Variants in MAD1L1 observed in about 807,000 individuals in gnomAD.
MAD1L1 encodes the protein mitotic arrest deficient 1 like 1, also known as mitotic spindle assembly checkpoint protein MAD1.
In MAD1L1, 95 loss-of-function variants were observed where a neutral mutation model predicts 96.9. That is an observed-to-expected ratio of 0.98 (90% confidence interval 0.83 to 1.16). The LOEUF is 1.16. Among genes scored for constraint, MAD1L1 ranks in the 50% most tolerant of loss-of-function variants. The probability of loss-of-function intolerance (pLI) is 0.00; values close to 1 mark genes in which losing one functional copy is unlikely to be tolerated. For synonymous variants in MAD1L1, 473 were observed against 396.6 expected, an observed-to-expected ratio of 1.19 and a Z score of -2.29; for missense variants, 1,007 against 954.4, an observed-to-expected ratio of 1.06 and a Z score of -0.73.
intron 11 of MAD1L1, among the ~76,000 whole-genome samples, chr7:2,082,580 G>A (rs1417634752): frequency 3.3e-5 from 5 of 152,246 alleles, no homozygotes; most frequent in African/African-American, 1.2e-4. Flanking sequence ...GAGGCAGCAG[G>A]CCAAGTGGAA....
intron 17 of MAD1L1, among the ~76,000 whole-genome samples, chr7:1,899,935 G>A (rs769343373): frequency 1.4e-4 from 22 of 152,238 alleles, no homozygotes; most frequent in Non-Finnish European, 2.2e-4. Flanking sequence ...GTTTCAGCTC[G>A]GCTCTGCCTC....
chr7:1,929,243 C>T (rs192726584), intron 17 of MAD1L1, among the ~76,000 whole-genome samples: 1 of 152,330 alleles, frequency 6.6e-6, no homozygotes, highest in Non-Finnish European at 1.5e-5. Flanking sequence ...TCCATCCTCC[C>T]CCTGCCTCCC....
At chr7:1,847,517 G>A (rs1489749584) in intron 18 of MAD1L1, 13 of 471,054 alleles carry the variant, frequency 2.8e-5, no homozygotes, top group South Asian at 9.3e-5. Context: ...TCAGCTGGAA[G>A]GTTCCATGGG....
chr7:1,907,540 G>A (rs1787739315), intron 17 of MAD1L1, among the ~76,000 whole-genome samples: 1 of 152,270 alleles, frequency 6.6e-6, no homozygotes. Context: ...CTCGGCGTAG[G>A]CCCGGCCCCA....
chr7:1,908,790 G>A (rs538520904), intron 17 of MAD1L1, among the ~76,000 whole-genome samples: 3 of 152,266 alleles, frequency 2.0e-5, no homozygotes, highest in East Asian at 3.9e-4. Context: ...TAGCAGAGCC[G>A]TGTCTCTGTT....
intron 7 of MAD1L1, among the ~76,000 whole-genome samples, chr7:2,217,491 G>A (rs1793353686): frequency 6.6e-6 from 1 of 152,220 alleles, no homozygotes; most frequent in Non-Finnish European, 1.5e-5. Flanking sequence ...CACGGCCAGA[G>A]CACAGGGTCT....
chr7:2,154,967 CG>C (rs1046275459), intron 10 of MAD1L1, among the ~76,000 whole-genome samples: 2 of 152,244 alleles, frequency 1.3e-5, no homozygotes, highest in Non-Finnish European at 1.5e-5. Flanking sequence ...TTGAACCAAG[CG>C]GGGTGGGGAG....
intron 11 of MAD1L1, among the ~76,000 whole-genome samples, chr7:2,120,489 C>T (rs1207117593): frequency 6.6e-6 from 1 of 152,220 alleles, no homozygotes; most frequent in Non-Finnish European, 1.5e-5. Context: ...CAGAGCCTGG[C>T]ACAGGGAGGA....
chr7:1,854,332 C>T (rs560277949), intron 18 of MAD1L1: 27 of 465,062 alleles, frequency 5.8e-5, no homozygotes, highest in South Asian at 2.2e-4. Context: ...CCCGGCAGCT[C>T]GTCCCCAACC....
intron 4 of MAD1L1, chr7:2,223,399 C>T (rs1031443940): frequency 2.0e-5 from 3 of 152,322 alleles, no homozygotes; most frequent in African/African-American, 7.2e-5. Context: ...TCTAATGACC[C>T]GCAGGCCCTC....
intron 12 of MAD1L1, among the ~76,000 whole-genome samples, chr7:2,026,441 C>G (rs536586522): frequency 2.0e-4 from 30 of 152,318 alleles, no homozygotes; most frequent in African/African-American, 7.0e-4. Flanking sequence ...ATAAGATTAA[C>G]AAATGATATG....
At chr7:2,012,287 G>A (rs965523446) in intron 13 of MAD1L1, among the ~76,000 whole-genome samples, 2 of 152,162 alleles carry the variant, frequency 1.3e-5, no homozygotes, top group Non-Finnish European at 2.9e-5. Flanking sequence ...CCCACGGCCA[G>A]GCCCGTGACG....
At chr7:2,113,791 T>C (rs901251612) in intron 11 of MAD1L1, among the ~76,000 whole-genome samples, 12 of 152,046 alleles carry the variant, frequency 7.9e-5, no homozygotes, top group African/African-American at 2.4e-4. Context: ...AGATTTTCTG[T>C]CCAAAAATGC....
chr7:2,023,872 C>G (rs1333826142), intron 12 of MAD1L1, among the ~76,000 whole-genome samples: 1 of 152,054 alleles, frequency 6.6e-6, no homozygotes, highest in Admixed American at 6.5e-5. Flanking sequence ...TCGCTTGAAC[C>G]TGGGAGGCGG....
intron 14 of MAD1L1, among the ~76,000 whole-genome samples, chr7:1,998,163 C>T (rs1488362448): frequency 6.6e-6 from 1 of 152,226 alleles, no homozygotes; most frequent in Non-Finnish European, 1.5e-5. Flanking sequence ...CTGACCAGAA[C>T]CAGATATCTG....
At chr7:2,128,699 GAC>G (rs913490673) in intron 11 of MAD1L1, among the ~76,000 whole-genome samples, 3 of 152,192 alleles carry the variant, frequency 2.0e-5, no homozygotes, top group African/African-American at 7.2e-5. Flanking sequence ...TCCTGGCGGG[GAC>G]ACAGAGGGGC....
At chr7:1,919,618 A>C (rs1788648822) in intron 17 of MAD1L1, among the ~76,000 whole-genome samples, 1 of 152,236 alleles carries the variant, frequency 6.6e-6, no homozygotes, top group Non-Finnish European at 1.5e-5. Context: ...CATCGTCGCC[A>C]TCACCATCAT....
intron 12 of MAD1L1, among the ~76,000 whole-genome samples, chr7:2,042,033 G>C (rs893883925): frequency 9.9e-5 from 15 of 151,858 alleles, no homozygotes; most frequent in African/African-American, 2.9e-4. Flanking sequence ...ACACACACAC[G>C]CACACGGACA....
intron 12 of MAD1L1, among the ~76,000 whole-genome samples, chr7:2,063,314 C>T (rs1043495190): frequency 2.0e-5 from 3 of 152,354 alleles, no homozygotes; most frequent in East Asian, 1.9e-4. Flanking sequence ...TCCCTGGCTC[C>T]GCGTCCTCAC....
Sources: gnomAD v4.1 joint callset for allele counts (sites outside exome capture counted in the v4.1 genomes callset) on GRCh38, gnomAD v4.1.1 for gene constraint, MANE v1.5 for transcripts, NCBI Gene and HGNC (gene_info 2026-07-23, HGNC 2026-07-21) for gene names.